The following GPC5 variants were observed in gnomAD, a reference collection of about 807,000 sequenced individuals.
GPC5 encodes glypican-5.
In GPC5, 47 loss-of-function variants were observed where a neutral mutation model predicts 53.9. The ratio of observed to expected loss-of-function variants is 0.87; its 90% confidence interval spans 0.69 to 1.11. The LOEUF (loss-of-function observed/expected upper bound fraction) is 1.11, where lower values mean the gene tolerates loss of function less well. Among genes scored for constraint, GPC5 ranks in the 50% most tolerant of loss-of-function variants. GPC5 has a pLI of 0.00. For synonymous variants in GPC5, 286 were observed against 263.3 expected (o/e 1.09, Z -0.84); for missense variants, 748 against 713.1 (o/e 1.05, Z -0.56).
At chr13:91,702,779 A>G (rs952523569) in intron 3 of GPC5, among the ~76,000 whole-genome samples, 1 of 152,032 alleles carries the variant, frequency 6.6e-6, no homozygotes, top group African/African-American at 2.4e-5. Flanking sequence ...CGTGGACATC[A>G]TTCTATTTAA....
chr13:91,894,419 A>C (rs965872949), intron 5 of GPC5, among the ~76,000 whole-genome samples: 2 of 152,202 alleles, frequency 1.3e-5, no homozygotes, highest in Non-Finnish European at 2.9e-5. Flanking sequence ...TTAATTTTGT[A>C]CTAAGCAAAA....
At position 92,251,013 on chromosome 13, in the gene GPC5, T is replaced by C. The variant is rs115836258; in HGVS notation, c.1561+106024T>C. Among the ~76,000 whole-genome samples, 813 of 152,230 alleles carry C rather than the reference T, an allele frequency of 5.3e-3. 8 individuals are homozygous for C. The highest frequency in any genetic ancestry group is 0.019 in the African/African-American group (780 of 41,554). On this transcript the variant is annotated intron_variant, in intron 7 of 7. Transcript: ENST00000377067. ...ATGCCTTCAAAGTTTAAAACCTATGTTAAGGATTCTACATAGTCCCTGATC... is the reference window on the plus strand; with the variant it reads ...ATGCCTTCAAAGTTTAAAACCTATGCTAAGGATTCTACATAGTCCCTGATC...
chr13:92,309,199 T>C (rs577133217), intron 7 of GPC5, among the ~76,000 whole-genome samples: 5 of 152,100 alleles, frequency 3.3e-5, no homozygotes, highest in African/African-American at 4.8e-5. Context: ...AAATGTGCAA[T>C]TTCTGATTGT....
chr13:91,770,738 G>GTGTA (rs760021941), intron 5 of GPC5, among the ~76,000 whole-genome samples: 6 of 149,316 alleles, frequency 4.0e-5, no homozygotes, highest in African/African-American at 1.5e-4. Context: ...GTGTGTGTGT[G>GTGTA]TATGCATATG....
intron 1 of GPC5, among the ~76,000 whole-genome samples, chr13:91,438,664 G>A (rs1440409471): frequency 1.3e-5 from 2 of 152,194 alleles, no homozygotes; most frequent in Admixed American, 1.3e-4. Flanking sequence ...TGTGTGCTGG[G>A]AGAACCACTA....
At chr13:91,571,788 C>T (rs1217482361) in intron 2 of GPC5, among the ~76,000 whole-genome samples, 7 of 125,812 alleles carry the variant, frequency 5.6e-5, no homozygotes, top group South Asian at 5.1e-4. Context: ...CACACATATA[C>T]GTGTGTGTAT....
Position 92,058,192 on chromosome 13 carries a change from T to C in GPC5, c.1402-86638T>C, listed in dbSNP as rs6492573. 6.5e-3 allele frequency among the ~76,000 whole-genome samples: 997 copies of C among 152,254 alleles called. 14 individuals are homozygous for C. Among genetic ancestry groups the C allele is most frequent in the African/African-American group, 0.023 (962 of 41,552 alleles). On this transcript the variant is annotated intron_variant, in intron 6 of 7. Transcript: ENST00000377067. ...CTTTAGATTTTTTAAAAAATATATT[T>C]TTAATTTTTATTTTTTTGTAGAGAT...
chr13:91,970,340 C>T (rs1424503019), intron 6 of GPC5, among the ~76,000 whole-genome samples: 2 of 151,776 alleles, frequency 1.3e-5, no homozygotes, highest in Non-Finnish European at 1.5e-5. Flanking sequence ...TCAGTTATAA[C>T]ATGAATAAGT....
intron 7 of GPC5, among the ~76,000 whole-genome samples, chr13:92,243,524 C>G (rs534256426): frequency 6.6e-6 from 1 of 151,928 alleles, no homozygotes; most frequent in South Asian, 2.1e-4. Context: ...TGAGACTCAT[C>G]TTAAAGGTTG....
At chr13:91,452,175 G>A (rs1380004534) in intron 2 of GPC5, among the ~76,000 whole-genome samples, 1 of 151,778 alleles carries the variant, frequency 6.6e-6, no homozygotes, top group East Asian at 1.9e-4. Context: ...ATAGAGATAG[G>A]GTTTTGCCCT....
intron 5 of GPC5, among the ~76,000 whole-genome samples, chr13:91,834,040 G>A (rs1449358226): frequency 6.6e-6 from 1 of 152,134 alleles, no homozygotes; most frequent in Non-Finnish European, 1.5e-5. Context: ...AGCAACTTCA[G>A]CAAAGTCTCA....
intron 5 of GPC5, among the ~76,000 whole-genome samples, chr13:91,860,488 T>C (rs887803781): frequency 7.6e-6 from 1 of 130,900 alleles, no homozygotes; most frequent in Non-Finnish European, 1.6e-5. Flanking sequence ...CTTCCTTCCT[T>C]CCTCTTTCTT....
In GPC5 at chr13:91,571,823, ATATATACACATATACTTGTGTG is replaced by A. The variant is rs1358279743; in HGVS notation, c.326-121348_326-121327del. 1.5e-3 allele frequency among the ~76,000 whole-genome samples: 103 copies of A among 68,702 alleles called. 6 individuals are homozygous for A. The highest frequency in any genetic ancestry group is 0.011 in the East Asian group (31 of 2,898). 45.1% of individuals were successfully genotyped at this position (68,702 alleles called of 152,430 possible). A position where few individuals can be genotyped will look rare whatever the true frequency, so the allele number is the denominator to read the frequency against. ...TATATACACACACATACGTGTGTGTATATATACACATATACTTGTGTGTATATACACATATACGTGTGTGTAT... is the reference window on the plus strand; with the variant it reads ...TATATACACACACATACGTGTGTGTATATATACACATATACGTGTGTGTAT... On this transcript the variant is annotated intron_variant, in intron 2 of 7. Transcript: ENST00000377067.
chr13:92,385,379 T>TAC lies in GPC5; in HGVS notation c.1561+240392_1561+240393dup, dbSNP rs1357033022. ...ACATATATACATATATATACATATA[T>TAC]ACATATATATACATATATACACATA... On this transcript the variant is annotated intron_variant, in intron 7 of 7. Coordinates refer to ENST00000377067, the MANE Select transcript of GPC5 (RefSeq NM_004466.6). Among the ~76,000 whole-genome samples, 280 of 82,410 alleles carry TAC rather than the reference T, an allele frequency of 3.4e-3. 7 individuals are homozygous for TAC. Among genetic ancestry groups the TAC allele is most frequent in the African/African-American group, 0.013 (263 of 20,894 alleles). 54.1% of individuals were successfully genotyped at this position (82,410 alleles called of 152,430 possible). A position where few individuals can be genotyped will look rare whatever the true frequency, so the allele number is the denominator to read the frequency against.
intron 7 of GPC5, among the ~76,000 whole-genome samples, chr13:92,682,314 A>T (rs961986681): frequency 1.3e-5 from 2 of 152,104 alleles, no homozygotes; most frequent in East Asian, 3.9e-4. Context: ...CGTTTTGCCT[A>T]TTGCTACTTT....
At chr13:91,900,095 A>G (rs544631038) in intron 5 of GPC5, among the ~76,000 whole-genome samples, 2 of 152,290 alleles carry the variant, frequency 1.3e-5, no homozygotes, top group South Asian at 4.1e-4. Context: ...GTATATTTTA[A>G]TGTAGCCAGA....
chr13:92,114,482 C>T (rs1490812060), intron 6 of GPC5, among the ~76,000 whole-genome samples: 3 of 152,134 alleles, frequency 2.0e-5, no homozygotes, highest in Non-Finnish European at 2.9e-5. Flanking sequence ...AGGGAAGCCA[C>T]GACTGGAATT....
chr13:92,580,956 G>C (rs1437377213), intron 7 of GPC5, among the ~76,000 whole-genome samples: 2 of 151,984 alleles, frequency 1.3e-5, no homozygotes, highest in African/African-American at 4.8e-5. Context: ...TAATTGACAA[G>C]TAAAATTATG....
intron 2 of GPC5, among the ~76,000 whole-genome samples, chr13:91,609,817 A>G (rs1245325609): frequency 6.6e-6 from 1 of 152,180 alleles, no homozygotes; most frequent in East Asian, 1.9e-4. Context: ...CAGGATGGAT[A>G]TGGAAAAAAC....
Sources: allele counts gnomAD v4.1 joint callset (sites outside exome capture counted in the v4.1 genomes callset), GRCh38; gene constraint gnomAD v4.1.1; transcripts MANE v1.5; gene names NCBI Gene and HGNC (gene_info 2026-07-23, HGNC 2026-07-21).